The following LDLRAD4 variants were observed in gnomAD, a reference collection of about 807,000 sequenced individuals.
The protein encoded by LDLRAD4 is low density lipoprotein receptor class A domain containing 4.
A neutral mutation model predicts 17.0 loss-of-function variants in LDLRAD4; 5 were observed. The observed-to-expected ratio is 0.29, with a 90% CI of 0.15 to 0.62. The LOEUF (loss-of-function observed/expected upper bound fraction) is 0.62, where lower values mean the gene tolerates loss of function less well. Among genes scored for constraint, LDLRAD4 ranks in the 20% least tolerant of loss-of-function variants. The pLI is 0.84. For synonymous variants in LDLRAD4, 168 were observed against 171.8 expected (o/e 0.98, Z 0.17); for missense variants, 340 against 424.7 (o/e 0.80, Z 1.75).
At chr18:13,484,345 G>T (rs998937728) in intron 3 of LDLRAD4, among the ~76,000 whole-genome samples, 65 of 152,344 alleles carry the variant, frequency 4.3e-4, no homozygotes, top group African/African-American at 1.5e-3. Context: ...ATACTTTCTA[G>T]GCTGGGTGCA....
intron 1 of LDLRAD4, among the ~76,000 whole-genome samples, chr18:13,295,661 AG>A (rs34736342): frequency 6.6e-6 from 1 of 152,236 alleles, no homozygotes; most frequent in Admixed American, 6.5e-5. Flanking sequence ...GTGACTCCCA[AG>A]GGGGAAAAGT....
chr18:13,498,667 T>C (rs11661363), intron 3 of LDLRAD4, among the ~76,000 whole-genome samples: 2,263 of 72,512 alleles, frequency 0.031, 46 homozygotes, highest in Middle Eastern at 0.21. Flanking sequence ...GAGAATCCTT[T>C]TCCCCACACA....
chr18:13,276,681 T>C (rs540630507), upstream of LDLRAD4, among the ~76,000 whole-genome samples: 60 of 152,362 alleles, frequency 3.9e-4, no homozygotes, highest in Admixed American at 1.0e-3. Flanking sequence ...AGGTGGCAGC[T>C]CGCTTCTCCA....
chr18:13,505,006 C>T (rs902761620), intron 3 of LDLRAD4, among the ~76,000 whole-genome samples: 4 of 152,100 alleles, frequency 2.6e-5, no homozygotes, highest in African/African-American at 7.2e-5. Flanking sequence ...AGGATGGGGA[C>T]GGGGATGGGG....
intron 1 of LDLRAD4, chr18:13,362,129 C>A (rs1219518974): frequency 1.3e-5 from 2 of 151,928 alleles, no homozygotes; most frequent in African/African-American, 4.8e-5. Flanking sequence ...GGAGAGAGGC[C>A]GTCTTTTAGA....
At chr18:13,485,022 C>G (rs1464579889) in intron 3 of LDLRAD4, among the ~76,000 whole-genome samples, 1 of 152,210 alleles carries the variant, frequency 6.6e-6, no homozygotes, top group Non-Finnish European at 1.5e-5. Context: ...GACACCGTCT[C>G]CCTATTTGGA....
At chr18:13,549,893 C>G (rs185006741) in intron 3 of LDLRAD4, among the ~76,000 whole-genome samples, 252 of 152,156 alleles carry the variant, frequency 1.7e-3, no homozygotes, top group African/African-American at 5.7e-3. Context: ...GGCACCACCG[C>G]TTTAGAAGCC....
chr18:13,273,208 C>CTATT (rs1438488428), upstream of LDLRAD4, among the ~76,000 whole-genome samples: 4 of 152,300 alleles, frequency 2.6e-5, no homozygotes, highest in East Asian at 1.9e-4. Context: ...CCTTTCTTTT[C>CTATT]TATTTCATAT....
rs71370946 is a variant in LDLRAD4, at chr18:13,226,180, C to CTCTTTTTTTTTTTTTTTT, written c.-467+7193_-467+7194insCTTTTTTTTTTTTTTTTT. Among the ~76,000 whole-genome samples, 53 of 52,206 alleles carry CTCTTTTTTTTTTTTTTTT rather than the reference C, an allele frequency of 1.0e-3. 1 individual carries two copies. The highest frequency in any genetic ancestry group is 3.9e-3 in the African/African-American group (50 of 12,848). The allele number at this position is 52,206 out of a possible 152,430, so 34.2% of individuals were successfully genotyped here. A position where few individuals can be genotyped will look rare whatever the true frequency, so the allele number is the denominator to read the frequency against. On this transcript the variant is annotated intron_variant, in intron 1 of 5. Transcript: ENST00000399848. ...GGACTACAGATGCTGCCATGCCTTG[C>CTCTTTTTTTTTTTTTTTT]TTTTTTTTTTTTTTTTTTTTTGTAG...
Position 13,648,199 on chromosome 18 carries a change from A to G in LDLRAD4, c.*2542A>G, listed in dbSNP as rs535198610. ...CCTGCCTCAAGAAGGGGCTCAGAGC[A>G]GAGACTTGTGAATTCCTTAGTAACT... On this transcript the variant is annotated 3_prime_UTR_variant, in exon 6 of 6. Transcript: ENST00000359446. The G allele has an allele frequency of 1.3e-4, 20 of 148,464 alleles. No homozygotes were observed. The East Asian group carries it at 3.7e-3, about 27-fold the overall frequency. The allele number at this position is 148,464 out of a possible 1,614,324, so 9.2% of individuals were successfully genotyped here. A position where few individuals can be genotyped will look rare whatever the true frequency, so the allele number is the denominator to read the frequency against.
At chr18:13,372,296 A>T (rs1161715112) in intron 1 of LDLRAD4, among the ~76,000 whole-genome samples, 2 of 152,184 alleles carry the variant, frequency 1.3e-5, no homozygotes, top group Admixed American at 1.3e-4. Context: ...CCTTGGGGGT[A>T]CACGTAAAGG....
intron 1 of LDLRAD4, among the ~76,000 whole-genome samples, chr18:13,333,558 A>C (rs2081969403): frequency 6.6e-6 from 1 of 152,126 alleles, no homozygotes; most frequent in African/African-American, 2.4e-5. Context: ...GAGTTCTATG[A>C]TCTGTTTAGA....
chr18:13,499,644 T>A (rs1283936849), intron 3 of LDLRAD4, among the ~76,000 whole-genome samples: 1 of 151,212 alleles, frequency 6.6e-6, no homozygotes, highest in African/African-American at 2.4e-5. Flanking sequence ...CGTCCCGCTG[T>A]GGATACTGGA....
At chr18:13,241,672 G>C (rs2042657063) in intron 1 of LDLRAD4, 1 of 152,344 alleles carries the variant, frequency 6.6e-6, no homozygotes, top group Non-Finnish European at 1.5e-5. Flanking sequence ...CGCTGGCAAT[G>C]TAGGGGTGAC....
chr18:13,448,242 G>A (rs147368606), intron 3 of LDLRAD4, among the ~76,000 whole-genome samples: 27 of 152,282 alleles, frequency 1.8e-4, no homozygotes, highest in Middle Eastern at 3.4e-3. Context: ...AATGCAGCCC[G>A]CGGGGTGACC....
chr18:13,520,296 G>A (rs1276620005), intron 3 of LDLRAD4: 1 of 152,212 alleles, frequency 6.6e-6, no homozygotes, highest in African/African-American at 2.4e-5. Flanking sequence ...CTGATCGAGA[G>A]GAGGGAGAAC....
chr18:13,632,101 C>T (rs1284431), intron 4 of LDLRAD4, among the ~76,000 whole-genome samples: 35,110 of 152,090 alleles, frequency 0.23, 6,268 homozygotes, highest in East Asian at 0.55. Flanking sequence ...CTTCATTCAG[C>T]AGGTCCCAAG....
chr18:13,513,831 A>T (rs2093820526), intron 3 of LDLRAD4, among the ~76,000 whole-genome samples: 1 of 152,240 alleles, frequency 6.6e-6, no homozygotes, highest in South Asian at 2.1e-4. Flanking sequence ...AACATTTAAA[A>T]GTATTTAGAG....
chr18:13,601,360 A>T (rs550965842), intron 3 of LDLRAD4, among the ~76,000 whole-genome samples: 1 of 152,352 alleles, frequency 6.6e-6, no homozygotes, highest in South Asian at 2.1e-4. Flanking sequence ...AGTGACCAAC[A>T]AACATAGGAA....
Sources: gnomAD v4.1 joint callset for allele counts (sites outside exome capture counted in the v4.1 genomes callset) on GRCh38, gnomAD v4.1.1 for gene constraint, MANE v1.5 for transcripts, NCBI Gene and HGNC (gene_info 2026-07-23, HGNC 2026-07-21) for gene names.